Variants in DICER1 observed in about 807,000 individuals in gnomAD.
The protein encoded by DICER1 is dicer 1, ribonuclease III, also known as endoribonuclease Dicer.
In DICER1, 43 loss-of-function variants were observed where a neutral mutation model predicts 194.1. The observed-to-expected ratio is 0.22, with a 90% CI of 0.17 to 0.29. The LOEUF (loss-of-function observed/expected upper bound fraction) is 0.29, where lower values mean the gene tolerates loss of function less well. DICER1 is among the 10% of genes least tolerant of loss of function. The pLI, the probability that DICER1 is intolerant of heterozygous loss-of-function variation, is 1.00. For synonymous variants in DICER1, 832 were observed against 820.5 expected, an observed-to-expected ratio of 1.01 and a Z score of -0.24; for missense variants, 1,608 against 2,317.0, an observed-to-expected ratio of 0.69 and a Z score of 6.28.
chr14:95,114,132 C>T (rs1246102717), intron 11 of DICER1, among the ~76,000 whole-genome samples: 1 of 152,200 alleles, frequency 6.6e-6, no homozygotes, highest in Non-Finnish European at 1.5e-5. Context: ...AGCAGCAACA[C>T]ACCGGTAGCA....
chr14:95,099,824 T>C lies in DICER1; in HGVS notation c.4162A>G (p.Asn1388Asp), dbSNP rs1555368569. The change falls in exon 22 of 27, where the codon AAT becomes GAT. Residue 1388 changes from asparagine (N) to aspartate (D), a missense_variant. This residue lies in a region of DICER1 where 164 missense variants were observed against 183.7 expected (regional missense o/e 0.89). Transcript: ENST00000343455. ...TTATCTGTGTTGCTTTTGTCTTGAT[T>C]TACTACATAACCAGGAGGAAGCCAA... ...VNWLPPGYVV[N>D]QDKSNTDKWE... The C allele has an allele frequency of 6.2e-7, 1 of 1,613,970 alleles. No individual in the cohort carries two copies. Among genetic ancestry groups the C allele is most frequent in the Non-Finnish European group, 8.5e-7 (1 of 1,179,984 alleles).
intron 14 of DICER1, among the ~76,000 whole-genome samples, chr14:95,109,404 T>C (rs1308401012): frequency 6.6e-6 from 1 of 152,218 alleles, no homozygotes; most frequent in Admixed American, 6.5e-5. Context: ...GTACTATGCT[T>C]TTCTTTTTTT....
chr14:95,115,811 T>C lies in DICER1; in HGVS notation c.1763A>G (p.Asn588Ser). 6.2e-7 allele frequency: 1 copy of C among 1,614,158 alleles called. No individual in the cohort carries two copies. The highest frequency in any genetic ancestry group is 8.5e-7 in the Non-Finnish European group (1 of 1,179,998). ...TYKAIEKILR[N>S]KCSKSVDTGE... ...AGTATCAACCGACTTGGAACACTTG[T>C]TTCTCAAGATCTGAACATTTAAAAA... Residue 588 changes from asparagine (N) to serine (S), a missense_variant, in exon 11 of 27, where the codon AAC becomes AGC. Transcript: ENST00000343455.
In DICER1 at chr14:95,132,687, T is replaced by C. The variant is rs1060504983; in HGVS notation, c.145-10A>G. 2 of 1,613,460 alleles carry C rather than the reference T, an allele frequency of 1.2e-6. No homozygotes were observed. Among genetic ancestry groups the C allele is most frequent in the Non-Finnish European group, 1.7e-6 (2 of 1,179,684 alleles). On this transcript the variant is annotated splice_polypyrimidine_tract_variant and intron_variant, in intron 2 of 26. Coordinates refer to ENST00000343455, the MANE Select transcript of DICER1 (RefSeq NM_177438.3). Reference sequence around the variant, plus strand: ...CTTCAAGCAGTTCAACCTAGAAACATGGTGAAAAAAAAGTTATGCACTTCT... The same window carrying C: ...CTTCAAGCAGTTCAACCTAGAAACACGGTGAAAAAAAAGTTATGCACTTCT...
At chr14:95,152,364 TGCAA>T (rs1313659819) in intron 1 of DICER1, among the ~76,000 whole-genome samples, 3 of 152,254 alleles carry the variant, frequency 2.0e-5, no homozygotes, top group African/African-American at 7.2e-5. Context: ...AGCCTTAATA[TGCAA>T]GCAATATTCT....
intron 1 of DICER1, among the ~76,000 whole-genome samples, chr14:95,149,660 T>G (rs915854886): frequency 6.6e-6 from 1 of 152,348 alleles, no homozygotes; most frequent in East Asian, 1.9e-4. Context: ...GTTCATGATT[T>G]GTTTGATTTT....
intron 23 of DICER1, 86 bp downstream of exon 23, chr14:95,095,739 A>G: frequency 7.2e-7 from 1 of 1,391,924 alleles, no homozygotes; most frequent in South Asian, 1.2e-5. Flanking sequence ...CTGTACATGC[A>G]TAGATCACTT....
rs184814331 is a variant in DICER1, at chr14:95,088,769, G to A, written c.*1729C>T. ...AAAGCAGAGCTGACAGTTTTCTGTC[G>A]GTGCACTCGCACAGAGGCATTTCTC... On this transcript the variant is annotated 3_prime_UTR_variant, in exon 27 of 27. Coordinates refer to ENST00000343455, the MANE Select transcript of DICER1 (RefSeq NM_177438.3). 1.6e-4 allele frequency: 37 copies of A among 231,888 alleles called. No individual in the cohort carries two copies. The highest frequency in any genetic ancestry group is 6.2e-4 in the Admixed American group (11 of 17,736). 14.4% of individuals were successfully genotyped at this position (231,888 alleles called of 1,614,324 possible).
chr14:95,112,166 C>T lies in DICER1; in HGVS notation c.2116+6G>A, dbSNP rs1053776810. On this transcript the variant is annotated splice_donor_region_variant and intron_variant, in intron 13 of 26. Transcript: ENST00000343455. ...TCATTCGTATATGCTTTTCAAACATCCTTACCAATTTTGTGCAGTTTCTCA... is the reference window on the plus strand; with the variant it reads ...TCATTCGTATATGCTTTTCAAACATTCTTACCAATTTTGTGCAGTTTCTCA... 6.2e-7 allele frequency: 1 copy of T among 1,612,660 alleles called. No individual in the cohort carries two copies. The highest frequency in any genetic ancestry group is 1.7e-5 in the Admixed American group (1 of 60,014).
At chr14:95,135,585 C>T (rs967192662) in intron 1 of DICER1, among the ~76,000 whole-genome samples, 7 of 152,058 alleles carry the variant, frequency 4.6e-5, no homozygotes, top group African/African-American at 1.7e-4. Flanking sequence ...AATGTCAATG[C>T]CATAAAATAC....
At chr14:95,100,258 C>T (rs950511211) in intron 21 of DICER1, among the ~76,000 whole-genome samples, 1 of 152,136 alleles carries the variant, frequency 6.6e-6, no homozygotes, top group Non-Finnish European at 1.5e-5. Context: ...CTTGAAAATA[C>T]AACCTGATGA....
intron 1 of DICER1, among the ~76,000 whole-genome samples, chr14:95,141,529 A>G (rs1312749905): frequency 6.6e-6 from 1 of 152,168 alleles, no homozygotes; most frequent in East Asian, 1.9e-4. Flanking sequence ...AGGAAAAACA[A>G]ATTGGCAGTG....
intron 8 of DICER1, among the ~76,000 whole-genome samples, chr14:95,120,821 C>T (rs1892877266): frequency 6.6e-6 from 1 of 152,158 alleles, no homozygotes; most frequent in Admixed American, 6.5e-5. Flanking sequence ...GTTTTCCTTA[C>T]AGAAGAATTC....
chr14:95,140,058 C>T (rs1227755469), intron 1 of DICER1, among the ~76,000 whole-genome samples: 1 of 152,184 alleles, frequency 6.6e-6, no homozygotes, highest in Non-Finnish European at 1.5e-5. Context: ...ATCTGAATCT[C>T]TGCTGGCAGG....
intron 17 of DICER1, 151 bp downstream of exon 17, chr14:95,107,457 G>A: frequency 6.6e-6 from 5 of 753,758 alleles, no homozygotes; most frequent in Non-Finnish European, 1.2e-5. Context: ...TCACCATGCT[G>A]GCCAGGATGG....
intron 12 of DICER1, 121 bp downstream of exon 12, chr14:95,112,971 T>TG (rs1892106936): frequency 9.4e-7 from 1 of 1,066,100 alleles, no homozygotes; most frequent in African/African-American, 1.6e-5. Context: ...ACAAGGCTCC[T>TG]GCTCATGAAA....
At chr14:95,127,847 T>C (rs188611544) in intron 6 of DICER1, among the ~76,000 whole-genome samples, 112 of 152,368 alleles carry the variant, frequency 7.4e-4, no homozygotes, top group African/African-American at 2.6e-3. Context: ...TAGACTTCCA[T>C]CTTTTGCCCC....
chr14:95,093,030 C>T (rs1041721719), intron 24 of DICER1, among the ~76,000 whole-genome samples: 4 of 152,210 alleles, frequency 2.6e-5, no homozygotes, highest in Non-Finnish European at 4.4e-5. Flanking sequence ...TGCGGCTAGA[C>T]TTCAAACCTA....
chr14:95,088,766 G>GTCGGTGCACTCGCACAGAGGCATTT lies in DICER1; in HGVS notation c.*1707_*1731dup. On this transcript the variant is annotated 3_prime_UTR_variant, in exon 27 of 27. Transcript: ENST00000343455. ...TAGAAAGCAGAGCTGACAGTTTTCT[G>GTCGGTGCACTCGCACAGAGGCATTT]TCGGTGCACTCGCACAGAGGCATTT... 4.3e-6 allele frequency: 1 copy of GTCGGTGCACTCGCACAGAGGCATTT among 232,338 alleles called. No homozygotes were observed. Among genetic ancestry groups the GTCGGTGCACTCGCACAGAGGCATTT allele is most frequent in the Non-Finnish European group, 8.5e-6 (1 of 117,674 alleles). 14.4% of individuals were successfully genotyped at this position (232,338 alleles called of 1,614,324 possible). A position where few individuals can be genotyped will look rare whatever the true frequency, so the allele number is the denominator to read the frequency against.
Sources: gnomAD v4.1 joint callset for allele counts (sites outside exome capture counted in the v4.1 genomes callset) on GRCh38, gnomAD v4.1.1 for gene constraint, gnomAD v4.1.1 regional missense constraint, MANE v1.5 for transcripts, NCBI Gene and HGNC (gene_info 2026-07-23, HGNC 2026-07-21) for gene names.